EIF4EBP2: variants seen among roughly 807,000 people sequenced by gnomAD.
EIF4EBP2 encodes eukaryotic translation initiation factor 4E binding protein 2, also known as eukaryotic translation initiation factor 4E-binding protein 2.
EIF4EBP2 carries 5 observed loss-of-function variants against 10.3 expected under a neutral mutation model. The observed-to-expected ratio is 0.48, with a 90% CI of 0.25 to 1.02. The LOEUF (loss-of-function observed/expected upper bound fraction) is 1.02, where lower values mean the gene tolerates loss of function less well. Ranked by LOEUF, EIF4EBP2 falls within the 50% of genes least tolerant of loss-of-function variation. The pLI is 0.15. For missense variants in EIF4EBP2, 188 were observed against 162.2 expected, an observed-to-expected ratio of 1.16 and a Z score of -0.86; for synonymous variants, 67 against 61.1, an observed-to-expected ratio of 1.10 and a Z score of -0.45.
rs192234417 is a variant in EIF4EBP2 at position 70,418,140 on chromosome 10, G to C, written c.146-1774G>C. Reference sequence around the variant, plus strand: ...GAGGTCATAAAGGTGGGACCCTCATGATGGGATTTGTGCCCTTATAAGATG... The same window carrying C: ...GAGGTCATAAAGGTGGGACCCTCATCATGGGATTTGTGCCCTTATAAGATG... On this transcript the variant is annotated intron_variant, in intron 1 of 2. Transcript: ENST00000373218. 3.9e-5 allele frequency among the ~76,000 whole-genome samples: 6 copies of C among 152,312 alleles called. No individual in the cohort carries two copies. The South Asian group carries it at 6.2e-4, about 16-fold the overall frequency.
intron 2 of EIF4EBP2, among the ~76,000 whole-genome samples, chr10:70,421,095 G>C (rs969746213): frequency 6.6e-6 from 1 of 152,126 alleles, no homozygotes; most frequent in Non-Finnish European, 1.5e-5. Flanking sequence ...GCGCCTGGCC[G>C]ACCTTGTTTC....
intron 1 of EIF4EBP2, among the ~76,000 whole-genome samples, chr10:70,408,211 C>A (rs1381619806): frequency 6.1e-4 from 89 of 144,752 alleles, no homozygotes; most frequent in African/African-American, 2.2e-3. Context: ...GGGGGGCTGA[C>A]CCCCCCACCT....
chr10:70,420,331 C>G (rs532735494), intron 2 of EIF4EBP2, among the ~76,000 whole-genome samples: 1 of 152,124 alleles, frequency 6.6e-6, no homozygotes, highest in African/African-American at 2.4e-5. Flanking sequence ...TCCCGAGTAG[C>G]GGGGATTACA....
At chr10:70,416,410 C>T (rs528109591) in intron 1 of EIF4EBP2, among the ~76,000 whole-genome samples, 62 of 151,964 alleles carry the variant, frequency 4.1e-4, no homozygotes, top group Non-Finnish European at 7.8e-4. Flanking sequence ...GAAACCCTGT[C>T]TCTACTAGAA....
At chr10:70,415,687 C>T (rs1845087813) in intron 1 of EIF4EBP2, among the ~76,000 whole-genome samples, 1 of 152,132 alleles carries the variant, frequency 6.6e-6, no homozygotes. Flanking sequence ...GAACAGTTTT[C>T]AACAGATAGT....
In EIF4EBP2 at chr10:70,415,621, A is replaced by G. The variant is rs1001281610; in HGVS notation, c.146-4293A>G. 7.2e-5 allele frequency among the ~76,000 whole-genome samples: 11 copies of G among 152,366 alleles called. No homozygotes were observed. In the East Asian group the frequency reaches 2.1e-3, roughly 29 times the overall value. The stretch of plus-strand genomic sequence containing the variant: ...AAATTGAGAGTCCAGAAATAAACCC[A>G]GCAATAATGGCCCATTGATCTTCAA... On this transcript the variant is annotated intron_variant, in intron 1 of 2. Coordinates refer to ENST00000373218, the MANE Select transcript of EIF4EBP2 (RefSeq NM_004096.5).
chr10:70,416,010 A>G (rs888690020), intron 1 of EIF4EBP2, among the ~76,000 whole-genome samples: 1 of 152,368 alleles, frequency 6.6e-6, no homozygotes, highest in East Asian at 1.9e-4. Context: ...TATCCAGAAT[A>G]AAGAACTATC....
At chr10:70,416,839 AT>A (rs199624058) in intron 1 of EIF4EBP2, among the ~76,000 whole-genome samples, 2 of 149,910 alleles carry the variant, frequency 1.3e-5, no homozygotes, top group African/African-American at 2.5e-5. Flanking sequence ...TAATTTTTGT[AT>A]TTTTTTTTAA....
At chr10:70,409,785 T>C (rs1014549572) in intron 1 of EIF4EBP2, among the ~76,000 whole-genome samples, 1 of 152,218 alleles carries the variant, frequency 6.6e-6, no homozygotes, top group African/African-American at 2.4e-5. Flanking sequence ...TCTTTGCCTT[T>C]CTTTTCCTTC....
rs1282984290 is a variant in EIF4EBP2, at chr10:70,428,290, A to T, written c.*6543A>T. 6.6e-6 allele frequency: 1 copy of T among 152,096 alleles called. No homozygotes were observed. The highest frequency in any genetic ancestry group is 1.5e-5 in the Non-Finnish European group (1 of 68,010). The allele number at this position is 152,096 out of a possible 1,614,324, so 9.4% of individuals were successfully genotyped here. On this transcript the variant is annotated 3_prime_UTR_variant, in exon 3 of 3. Transcript: ENST00000373218. The stretch of plus-strand genomic sequence containing the variant: ...TTTAAAATATTTTATTTAAAAAAAA[A>T]AATAGCCCTGCCCTGTCTTAGTGCC...
chr10:70,424,737 A>G lies in EIF4EBP2; in HGVS notation c.*2990A>G, dbSNP rs1469822664. 1.3e-5 allele frequency: 2 copies of G among 152,224 alleles called. No individual in the cohort carries two copies. The highest frequency in any genetic ancestry group is 1.9e-4 in the East Asian group (1 of 5,194). The allele number at this position is 152,224 out of a possible 1,614,324, so 9.4% of individuals were successfully genotyped here. On this transcript the variant is annotated 3_prime_UTR_variant, in exon 3 of 3. Coordinates refer to ENST00000373218, the MANE Select transcript of EIF4EBP2 (RefSeq NM_004096.5). ...CTTAATGAGAAGTGACTTCCCTTCA[A>G]ATTCCAACAGCAGACATGCATTGTC...
intron 1 of EIF4EBP2, among the ~76,000 whole-genome samples, chr10:70,415,881 A>G (rs1436430272): frequency 1.3e-5 from 2 of 152,186 alleles, no homozygotes; most frequent in Non-Finnish European, 2.9e-5. Flanking sequence ...AAGAAAAAAA[A>G]AAAAACATAC....
chr10:70,404,630 G>T (rs1218290588), intron 1 of EIF4EBP2, 84 bp downstream of exon 1: 2 of 1,392,462 alleles, frequency 1.4e-6, no homozygotes, highest in Non-Finnish European at 1.9e-6. Context: ...CGGCCGCTTC[G>T]CCCCCGCCCC....
At chr10:70,416,950 A>G (rs185535064) in intron 1 of EIF4EBP2, among the ~76,000 whole-genome samples, 17 of 152,292 alleles carry the variant, frequency 1.1e-4, no homozygotes, top group Non-Finnish European at 2.1e-4. Context: ...GGTGTGAGCC[A>G]TGCCTGGCTA....
At chr10:70,414,675 C>G (rs945372335) in intron 1 of EIF4EBP2, among the ~76,000 whole-genome samples, 1 of 152,174 alleles carries the variant, frequency 6.6e-6, no homozygotes, top group Non-Finnish European at 1.5e-5. Flanking sequence ...CGAGACCAGC[C>G]TGGCCAACAT....
At chr10:70,417,399 G>A (rs975308825) in intron 1 of EIF4EBP2, among the ~76,000 whole-genome samples, 4 of 152,070 alleles carry the variant, frequency 2.6e-5, no homozygotes, top group African/African-American at 7.2e-5. Flanking sequence ...GGTAATGAAA[G>A]GGTTCTAAAA....
chr10:70,413,478 T>C (rs1446550343), intron 1 of EIF4EBP2, among the ~76,000 whole-genome samples: 2 of 152,060 alleles, frequency 1.3e-5, no homozygotes, highest in East Asian at 3.9e-4. Context: ...ATAAAATTAG[T>C]TGGACTGTAG....
At chr10:70,411,802 G>A (rs1343652468) in intron 1 of EIF4EBP2, among the ~76,000 whole-genome samples, 1 of 152,036 alleles carries the variant, frequency 6.6e-6, no homozygotes, top group Non-Finnish European at 1.5e-5. Flanking sequence ...TGGAAGATGA[G>A]GATTTAGTTG....
chr10:70,410,167 T>G (rs1845029759), intron 1 of EIF4EBP2, among the ~76,000 whole-genome samples: 1 of 152,152 alleles, frequency 6.6e-6, no homozygotes. Context: ...CCTCCTGGGT[T>G]CAAGTGATTC....
Sources: gnomAD v4.1 joint callset for allele counts (sites outside exome capture counted in the v4.1 genomes callset) on GRCh38, gnomAD v4.1.1 for gene constraint, MANE v1.5 for transcripts, NCBI Gene and HGNC (gene_info 2026-07-23, HGNC 2026-07-21) for gene names.